FBH1: variants seen among roughly 807,000 people sequenced by gnomAD.
FBH1 encodes the protein DNA 3'-5' helicase 1.
Under a neutral mutation model 115.5 loss-of-function variants are expected in FBH1, and 43 were observed. That is an observed-to-expected ratio of 0.37 (90% confidence interval 0.29 to 0.48). The LOEUF (loss-of-function observed/expected upper bound fraction) is 0.48. FBH1 is among the 20% of genes least tolerant of loss of function. The pLI, the probability that FBH1 is intolerant of heterozygous loss-of-function variation, is 0.99. For missense variants in FBH1, 1,001 were observed against 1,337.3 expected (o/e 0.75, Z 3.92); for synonymous variants, 524 against 507.8 (o/e 1.03, Z -0.43).
intron 1 of FBH1, among the ~76,000 whole-genome samples, chr10:5,898,864 C>T (rs970794152): frequency 6.6e-6 from 1 of 152,210 alleles, no homozygotes; most frequent in African/African-American, 2.4e-5. Flanking sequence ...GGGCTAGCTG[C>T]TTACCTTGGG....
Position 5,906,813 on chromosome 10 carries a change from T to C in FBH1, c.753+181T>C, listed in dbSNP as rs150221243. Reference sequence around the variant, plus strand: ...CCCCACCCTATGACTCTAGCCTCTTTGTTCACTTCCACTCAACACAGCTTC... The same window carrying C: ...CCCCACCCTATGACTCTAGCCTCTTCGTTCACTTCCACTCAACACAGCTTC... On this transcript the variant is annotated intron_variant, in intron 3 of 20. Transcript: ENST00000362091. The surrounding 1 kb of genome is among the most constrained non-coding windows in gnomAD (Gnocchi z 7.3). Among the ~76,000 whole-genome samples the C allele has an allele frequency of 4.1e-3, 628 of 152,284 alleles. 2 individuals carry two copies. Among genetic ancestry groups the C allele is most frequent in the African/African-American group, 0.013 (543 of 41,564 alleles).
rs556556607 is a variant in FBH1 at position 5,910,085 on chromosome 10, C to T, written c.1020+791C>T. Among the ~76,000 whole-genome samples, 3 of 152,246 alleles carry T rather than the reference C, an allele frequency of 2.0e-5. No individual in the cohort carries two copies. The highest frequency in any genetic ancestry group is 3.9e-4 in the East Asian group (2 of 5,182). On this transcript the variant is annotated intron_variant, in intron 5 of 20. Transcript: ENST00000362091. The surrounding 1 kb of genome is among the most constrained non-coding windows in gnomAD (Gnocchi z 4.8). ...TCACCTGAGGTCAGGAGTTCGAGAC[C>T]AGCCTGGCCAACATGGTGAAACCCT...
At chr10:5,919,010 T>A (rs1832151442) in intron 13 of FBH1, among the ~76,000 whole-genome samples, 1 of 152,222 alleles carries the variant, frequency 6.6e-6, no homozygotes, top group African/African-American at 2.4e-5. Context: ...TCTTCATGTG[T>A]GTCAGCCAAG....
Position 5,895,920 on chromosome 10 carries a change from CAGGG to C in FBH1, c.1+5577_1+5580del, listed in dbSNP as rs1842979101. ...GGGAAGTATAGCCCAGCTGTGTGCT[CAGGG>C]AGAAGAGCAACAACATTCTTTGCAG... is the stretch of plus-strand genomic sequence containing the variant. On this transcript the variant is annotated intron_variant, in intron 1 of 20. Transcript: ENST00000362091. The surrounding 1 kb of genome is among the most constrained non-coding windows in gnomAD (Gnocchi z 5.0). Among the ~76,000 whole-genome samples, 1 of 152,102 alleles carries C rather than the reference CAGGG, an allele frequency of 6.6e-6. No individual in the cohort carries two copies. The highest frequency in any genetic ancestry group is 1.5e-5 in the Non-Finnish European group (1 of 68,020).
intron 19 of FBH1, chr10:5,934,551 A>T (rs987676913): frequency 3.3e-5 from 5 of 151,644 alleles, no homozygotes; most frequent in African/African-American, 1.2e-4. Context: ...TAATTTTTGT[A>T]TTTTTAGTAG....
At position 5,890,294 on chromosome 10, in the gene FBH1, G is replaced by A. The variant is rs1308574855; in HGVS notation, c.-52G>A. 1 of 374,300 alleles carries A rather than the reference G, an allele frequency of 2.7e-6. No individual in the cohort carries two copies. The highest frequency in any genetic ancestry group is 2.1e-5 in the African/African-American group (1 of 46,954). The allele number at this position is 374,300 out of a possible 1,614,324, so 23.2% of individuals were successfully genotyped here. On this transcript the variant is annotated 5_prime_UTR_variant, in exon 1 of 21. Transcript: ENST00000362091. ...CCGGGGGACGCTGGGCTGAGCGGCC[G>A]GCGGCGCGGGCCCGGCGGCGGCGGC...
rs1564448203 is a variant in FBH1, at chr10:5,914,150, T to C, written c.1305-28T>C. The stretch of plus-strand genomic sequence containing the variant: ...TGGACTTTTCACGTCTTTCTGTTTT[T>C]CTTACTTCTCTTTTGTAATGATTAT... On this transcript the variant is annotated intron_variant, in intron 7 of 20. Transcript: ENST00000362091. The surrounding 1 kb of genome is among the most constrained non-coding windows in gnomAD (Gnocchi z 5.2). 2.5e-6 allele frequency: 4 copies of C among 1,606,788 alleles called. No homozygotes were observed. Among genetic ancestry groups the C allele is most frequent in the Middle Eastern group, 1.7e-4 (1 of 6,052 alleles).
At chr10:5,916,790 G>C (rs1002281690) in intron 10 of FBH1, among the ~76,000 whole-genome samples, 2 of 152,172 alleles carry the variant, frequency 1.3e-5, no homozygotes, top group African/African-American at 4.8e-5. Flanking sequence ...CCTGGTCATA[G>C]GAGGTTGAAG....
At chr10:5,901,178 T>C (rs527487890) in intron 1 of FBH1, among the ~76,000 whole-genome samples, 1 of 152,328 alleles carries the variant, frequency 6.6e-6, no homozygotes, top group East Asian at 1.9e-4. Context: ...GAGTATTCTT[T>C]ATTTTCTTTT....
At chr10:5,904,744 A>T (rs1295449191) in intron 2 of FBH1, among the ~76,000 whole-genome samples, 1 of 152,172 alleles carries the variant, frequency 6.6e-6, no homozygotes, top group Non-Finnish European at 1.5e-5. Flanking sequence ...GCTAGGATTT[A>T]ACCCTGATCA....
Position 5,937,290 on chromosome 10 carries a change from G to T in FBH1, c.*10G>T, listed in dbSNP as rs774962372. The T allele has an allele frequency of 5.7e-6, 9 of 1,587,594 alleles. 1 individual carries two copies. The highest frequency in any genetic ancestry group is 2.3e-5 in the South Asian group (2 of 87,262). ...CTTCCTCGTCTTCTGAGGACAAGGC[G>T]CACGTTCTCCGCAGTGCAGAGCAGC... On this transcript the variant is annotated 3_prime_UTR_variant, in exon 21 of 21. Transcript: ENST00000362091.
rs1038674021 is a variant in FBH1 at position 5,895,887 on chromosome 10, G to A, written c.1+5541G>A. On this transcript the variant is annotated intron_variant, in intron 1 of 20. Transcript: ENST00000362091. The surrounding 1 kb of genome is among the most constrained non-coding windows in gnomAD (Gnocchi z 5.0). ...GCGGTAAGGCGACATCCACCTGCAC[G>A]CAGGACTGGGAAGTATAGCCCAGCT... Among the ~76,000 whole-genome samples, 6 of 152,182 alleles carry A rather than the reference G, an allele frequency of 3.9e-5. No homozygotes were observed. Among genetic ancestry groups the A allele is most frequent in the Non-Finnish European group, 2.9e-5 (2 of 68,038 alleles).
intron 1 of FBH1, among the ~76,000 whole-genome samples, chr10:5,892,375 T>G (rs920904037): frequency 6.6e-6 from 1 of 152,232 alleles, no homozygotes; most frequent in African/African-American, 2.4e-5. Flanking sequence ...CTATTGGTAT[T>G]AGATTTAGAA....
At chr10:5,904,438 C>G (rs77106109) in intron 2 of FBH1, among the ~76,000 whole-genome samples, 1 of 152,278 alleles carries the variant, frequency 6.6e-6, no homozygotes, top group Middle Eastern at 3.4e-3. Flanking sequence ...TGAGTTTGTT[C>G]CATATATAGA....
intron 3 of FBH1, among the ~76,000 whole-genome samples, chr10:5,907,472 GTTT>G (rs34817242): frequency 9.0e-6 from 1 of 111,198 alleles, no homozygotes; most frequent in Non-Finnish European, 1.9e-5. Flanking sequence ...GTTGTTGTTG[GTTT>G]TTTTTTTTTT....
intron 13 of FBH1, among the ~76,000 whole-genome samples, chr10:5,919,038 GC>G (rs1468655875): frequency 2.0e-5 from 3 of 152,170 alleles, no homozygotes; most frequent in Non-Finnish European, 4.4e-5. Flanking sequence ...ATCTCAGCAG[GC>G]AATGCAGATG....
rs752014466 is a variant in FBH1 at position 5,906,081 on chromosome 10, A to G, written c.202A>G (p.Lys68Glu). The change falls in exon 3 of 21, where the codon AAG becomes GAG. Residue 68 changes from lysine (K) to glutamate (E), a missense_variant. Coordinates refer to ENST00000362091, the MANE Select transcript of FBH1 (RefSeq NM_178150.3). The surrounding 1 kb of genome is among the most constrained non-coding windows in gnomAD (Gnocchi z 7.3). ...CATCCCTGAGTTCTTCCTAGCAGGC[A>G]AGCAGCCGTGCACCAATGACATGGC... ...RCIPEFFLAG[K>E]QPCTNDMAKS... The G allele has an allele frequency of 3.7e-6, 6 of 1,612,728 alleles. No homozygotes were observed. Among genetic ancestry groups the G allele is most frequent in the Admixed American group, 1.7e-5 (1 of 59,980 alleles).
rs1320901925 is a variant in FBH1 at position 5,914,169 on chromosome 10, T to C, written c.1305-9T>C. 1.2e-6 allele frequency: 2 copies of C among 1,613,124 alleles called. No homozygotes were observed. The highest frequency in any genetic ancestry group is 1.7e-6 in the Non-Finnish European group (2 of 1,179,030). Reference sequence around the variant, plus strand: ...TGTTTTTCTTACTTCTCTTTTGTAATGATTATAGCAAGAAAACCATCCAAC... The same window carrying C: ...TGTTTTTCTTACTTCTCTTTTGTAACGATTATAGCAAGAAAACCATCCAAC... On this transcript the variant is annotated splice_polypyrimidine_tract_variant and intron_variant, in intron 7 of 20. Coordinates refer to ENST00000362091, the MANE Select transcript of FBH1 (RefSeq NM_178150.3). The surrounding 1 kb of genome is among the most constrained non-coding windows in gnomAD (Gnocchi z 5.2).
rs76126880 is a variant in FBH1 at position 5,906,055 on chromosome 10, G to A, written c.176G>A (p.Cys59Tyr). The A allele has an allele frequency of 1.2e-6, 2 of 1,608,636 alleles. No homozygotes were observed. The highest frequency in any genetic ancestry group is 1.7e-4 in the Middle Eastern group (1 of 6,050). ...RGSRGQGSQR[C>Y]IPEFFLAGKQ... ...TCTACAGGTCAGGGAAGTCAAAGAT[G>A]CATCCCTGAGTTCTTCCTAGCAGGC... is the stretch of plus-strand genomic sequence containing the variant. The change falls in exon 3 of 21, where the codon TGC becomes TAC. Residue 59 changes from cysteine (C) to tyrosine (Y), a missense_variant. Transcript: ENST00000362091. The surrounding 1 kb of genome is among the most constrained non-coding windows in gnomAD (Gnocchi z 7.3).
Sources: gnomAD v4.1 joint callset for allele counts (sites outside exome capture counted in the v4.1 genomes callset) on GRCh38, gnomAD v4.1.1 for gene constraint, Gnocchi (gnomAD v3.1) non-coding constraint, MANE v1.5 for transcripts, NCBI Gene and HGNC (gene_info 2026-07-23, HGNC 2026-07-21) for gene names.